TENM2: variants seen among roughly 807,000 people sequenced by gnomAD.
The protein encoded by TENM2 is teneurin-2.
A neutral mutation model predicts 245.2 loss-of-function variants in TENM2; 52 were observed. That is an observed-to-expected ratio of 0.21 (90% CI 0.17 to 0.27). TENM2 has a LOEUF of 0.27. Among genes scored for constraint, TENM2 ranks in the 10% least tolerant of loss-of-function variants. The probability of loss-of-function intolerance (pLI) is 1.00; values close to 1 mark genes in which losing one functional copy is unlikely to be tolerated. For synonymous variants in TENM2, 1,363 were observed against 1,438.9 expected (o/e 0.95, Z 1.19); for missense variants, 3,046 against 3,666.8 (o/e 0.83, Z 4.37).
At chr5:167,580,918 G>A (rs1307054300) in intron 2 of TENM2, among the ~76,000 whole-genome samples, 1 of 152,244 alleles carries the variant, frequency 6.6e-6, no homozygotes, top group African/African-American at 2.4e-5. Flanking sequence ...GAACCCAGGA[G>A]GCGGACGTTG....
intron 2 of TENM2, among the ~76,000 whole-genome samples, chr5:167,441,037 C>G (rs1008878306): frequency 6.6e-6 from 1 of 152,134 alleles, no homozygotes; most frequent in Non-Finnish European, 1.5e-5. Flanking sequence ...ACCCAGGAGG[C>G]AGCCATTTCC....
intron 2 of TENM2, among the ~76,000 whole-genome samples, chr5:167,570,990 G>A (rs1774231315): frequency 1.3e-5 from 2 of 152,088 alleles, no homozygotes; most frequent in Non-Finnish European, 1.5e-5. Flanking sequence ...TTATCCAAGT[G>A]GAAAAACCCA....
intron 12 of TENM2, 146 bp from the exon 15 acceptor site, chr5:168,162,465 C>T: frequency 1.3e-6 from 1 of 770,960 alleles, no homozygotes; most frequent in Admixed American, 2.8e-5. Flanking sequence ...GCCTGCTCCC[C>T]TGACTCTGTG....
chr5:167,384,260 T>C (rs940857471), intron 2 of TENM2, among the ~76,000 whole-genome samples: 4 of 152,122 alleles, frequency 2.6e-5, no homozygotes, highest in Admixed American at 6.5e-5. Context: ...AAATAAACAT[T>C]ATATATGTTA....
chr5:167,025,449 T>C, the TENM2 span, among the ~76,000 whole-genome samples: 1 of 152,152 alleles, frequency 6.6e-6, no homozygotes, highest in African/African-American at 2.4e-5. Flanking sequence ...AATAACTGAA[T>C]ACATTTCGTC....
chr5:167,638,477 G>A (rs939925800), intron 2 of TENM2, among the ~76,000 whole-genome samples: 4 of 152,106 alleles, frequency 2.6e-5, no homozygotes, highest in African/African-American at 4.8e-5. Flanking sequence ...CTACTGGGCT[G>A]AGCTTCAGCT....
intron 7 of TENM2, among the ~76,000 whole-genome samples, chr5:168,078,172 T>C (rs1791649862): frequency 6.6e-6 from 1 of 152,232 alleles, no homozygotes; most frequent in Admixed American, 6.5e-5. Context: ...ATTTCTCTGA[T>C]GGCCAGTGAT....
chr5:168,127,295 C>T (rs886343236), intron 12 of TENM2, among the ~76,000 whole-genome samples: 2 of 152,190 alleles, frequency 1.3e-5, no homozygotes, highest in Non-Finnish European at 2.9e-5. Context: ...CTGCAACTCT[C>T]CCCTTTTTAA....
intron 1 of TENM2, among the ~76,000 whole-genome samples, chr5:167,366,022 C>T (rs1472960899): frequency 4.0e-5 from 6 of 151,654 alleles, no homozygotes; most frequent in Admixed American, 2.0e-4. Context: ...AATTTGTATA[C>T]ATAAGGGTAG....
chr5:167,450,270 A>G (rs952942535), intron 2 of TENM2, among the ~76,000 whole-genome samples: 6 of 152,258 alleles, frequency 3.9e-5, no homozygotes, highest in Admixed American at 2.6e-4. Context: ...CTGGATTTTC[A>G]TAAGACATGT....
In TENM2 at chr5:167,490,159, G is replaced by A. The variant is rs895453142; in HGVS notation, c.502+114686G>A. On this transcript the variant is annotated intron_variant, in intron 2 of 28. Transcript: ENST00000518659. ...GTTAGCATTCATTTTCTCAACCACC[G>A]CAGTTACAAAAGTACCCTTTTCCCA... Among the ~76,000 whole-genome samples the A allele has an allele frequency of 3.9e-5, 6 of 151,910 alleles. No homozygotes were observed. In the East Asian group the frequency reaches 5.8e-4, roughly 15 times the overall value.
intron 2 of TENM2, among the ~76,000 whole-genome samples, chr5:167,460,450 A>G (rs116219203): frequency 0.019 from 2,968 of 152,258 alleles, 50 homozygotes; most frequent in South Asian, 0.04. Context: ...TTCAGCTTAA[A>G]AACTGTGAAG....
the TENM2 span, among the ~76,000 whole-genome samples, chr5:167,219,646 C>A: frequency 6.6e-6 from 1 of 152,204 alleles, no homozygotes; most frequent in African/African-American, 2.4e-5. Flanking sequence ...TAAGCATTAG[C>A]TTTTGTTGGA....
the TENM2 span, among the ~76,000 whole-genome samples, chr5:167,228,791 G>A: frequency 2.6e-5 from 4 of 151,530 alleles, no homozygotes; most frequent in Admixed American, 6.6e-5. Context: ...TGCAAGCTCC[G>A]CCTCCTGTGT....
intron 2 of TENM2, among the ~76,000 whole-genome samples, chr5:167,479,763 A>C (rs971794693): frequency 1.2e-4 from 18 of 152,200 alleles, no homozygotes; most frequent in Non-Finnish European, 2.1e-4. Context: ...CCATCATTGC[A>C]AGTTCATTCC....
At chr5:168,002,358 A>G (rs959756807) in intron 5 of TENM2, among the ~76,000 whole-genome samples, 11 of 152,244 alleles carry the variant, frequency 7.2e-5, no homozygotes, top group African/African-American at 1.9e-4. Flanking sequence ...TCATGATGCA[A>G]TTCTCTCAGT....
chr5:167,545,332 G>A (rs1424553391), intron 2 of TENM2, among the ~76,000 whole-genome samples: 1 of 152,026 alleles, frequency 6.6e-6, no homozygotes, highest in Non-Finnish European at 1.5e-5. Context: ...TTTCATTCAA[G>A]CAATTTGGGC....
At chr5:167,462,859 G>A (rs991754016) in intron 2 of TENM2, among the ~76,000 whole-genome samples, 4 of 151,948 alleles carry the variant, frequency 2.6e-5, no homozygotes, top group African/African-American at 9.7e-5. Context: ...CAGGCTGGAG[G>A]GTGGAGCGTT....
Position 168,218,988 on chromosome 5 carries a change from G to A in TENM2, c.5097G>A (p.Thr1699=), listed in dbSNP as rs554382430. ...CCAAGAGCGATGAAACAGGATGGAC[G>A]ACTTTCTATGAGTAAGTGGGTTTGT... The change falls in exon 23 of 29, where the codon ACG becomes ACA. Residue 1699 remains threonine, a synonymous_variant. Transcript: ENST00000518659. The surrounding 1 kb of genome is among the most constrained non-coding windows in gnomAD (Gnocchi z 5.2). The A allele has an allele frequency of 1.3e-5, 21 of 1,612,850 alleles. No individual in the cohort carries two copies. The South Asian group carries it at 2.0e-4, about 15-fold the overall frequency.
Sources: allele counts gnomAD v4.1 joint callset (sites outside exome capture counted in the v4.1 genomes callset), GRCh38; gene constraint gnomAD v4.1.1; non-coding constraint Gnocchi (gnomAD v3.1); transcripts MANE v1.5; gene names NCBI Gene and HGNC (gene_info 2026-07-23, HGNC 2026-07-21).